CPS1: variants seen among roughly 807,000 people sequenced by gnomAD.
The protein encoded by CPS1 is carbamoyl-phosphate synthase [ammonia], mitochondrial.
In CPS1, 109 loss-of-function variants were observed where a neutral mutation model predicts 174.6. The ratio of observed to expected loss-of-function variants is 0.62; its 90% CI spans 0.53 to 0.73. The LOEUF (loss-of-function observed/expected upper bound fraction) is 0.73. CPS1 is among the 30% of genes least tolerant of loss of function. The pLI, the probability that CPS1 is intolerant of heterozygous loss-of-function variation, is 0.00. For missense variants in CPS1, 1,689 were observed against 1,821.9 expected (o/e 0.93, Z 1.33); for synonymous variants, 637 against 632.0 (o/e 1.01, Z -0.12).
intron 1 of CPS1, among the ~76,000 whole-genome samples, chr2:210,484,592 G>A (rs1425351615): frequency 6.6e-6 from 1 of 152,152 alleles, no homozygotes; most frequent in Non-Finnish European, 1.5e-5. Flanking sequence ...CTCCCAGATA[G>A]TATCAAGGGA....
At chr2:210,580,608 T>C (rs925110570) in intron 5 of CPS1, among the ~76,000 whole-genome samples, 1 of 152,090 alleles carries the variant, frequency 6.6e-6, no homozygotes, top group South Asian at 2.1e-4. Context: ...ATGCCTGTAA[T>C]CCCAGCACTT....
rs147224386 is a variant in CPS1 at position 210,677,872 on chromosome 2, C to T, written c.4405-15C>T. The T allele has an allele frequency of 2.5e-6, 4 of 1,593,026 alleles. No homozygotes were observed. In the African/African-American group the frequency reaches 5.4e-5, roughly 21 times the overall value. On this transcript the variant is annotated splice_polypyrimidine_tract_variant and intron_variant, in intron 37 of 37. Transcript: ENST00000233072. ...ATCTCATGGAGGGTGCTGATTCCTACCATTATATTTTCAGGTGACCAAACT... is the reference window on the plus strand; with the variant it reads ...ATCTCATGGAGGGTGCTGATTCCTATCATTATATTTTCAGGTGACCAAACT...
intron 1 of CPS1, among the ~76,000 whole-genome samples, chr2:210,517,215 T>C (rs1695705447): frequency 6.6e-6 from 1 of 152,002 alleles, no homozygotes; most frequent in Admixed American, 6.6e-5. Flanking sequence ...TAAGTTAGTC[T>C]TGCTGTAATC....
chr2:210,616,653 T>A (rs1187223298), intron 21 of CPS1, 112 bp downstream of exon 21: 3 of 782,520 alleles, frequency 3.8e-6, no homozygotes, highest in Non-Finnish European at 6.8e-6. Flanking sequence ...AGGTAGATAG[T>A]GCCATTGTTG....
chr2:210,550,755 A>G lies in CPS1; in HGVS notation c.4-5964A>G, dbSNP rs921272092. On this transcript the variant is annotated intron_variant, in intron 1 of 38. Coordinates refer to the CPS1 transcript ENST00000430249. ...GATAATATACTAATATATTGTGGTTATATCTTCCAATGTTTTAGTTTCTAT... is the reference window on the plus strand; with the variant it reads ...GATAATATACTAATATATTGTGGTTGTATCTTCCAATGTTTTAGTTTCTAT... Among the ~76,000 whole-genome samples the G allele has an allele frequency of 2.6e-5, 4 of 151,828 alleles. No homozygotes were observed. In the Admixed American group the frequency reaches 2.6e-4, roughly 10 times the overall value.
chr2:210,495,180 G>T (rs1334359305), intron 1 of CPS1, among the ~76,000 whole-genome samples: 1 of 152,024 alleles, frequency 6.6e-6, no homozygotes, highest in East Asian at 1.9e-4. Context: ...CTTTTTTATG[G>T]TTTACTTAAC....
intron 1 of CPS1, among the ~76,000 whole-genome samples, chr2:210,539,218 G>A (rs1696338005): frequency 1.3e-5 from 2 of 152,114 alleles, no homozygotes; most frequent in Admixed American, 1.3e-4. Flanking sequence ...ACACCTGTGA[G>A]GCATTCAGAA....
intron 1 of CPS1, among the ~76,000 whole-genome samples, chr2:210,501,219 G>A (rs1695130842): frequency 6.6e-6 from 1 of 152,082 alleles, no homozygotes; most frequent in Admixed American, 6.5e-5. Flanking sequence ...GCCTATAATG[G>A]GAGGGGCTGC....
intron 30 of CPS1, chr2:210,657,232 A>G (rs1700740867): frequency 1.3e-5 from 2 of 156,956 alleles, no homozygotes; most frequent in South Asian, 3.8e-4. Context: ...AGCCAGCCGT[A>G]TAAAGAACTT....
chr2:210,648,173 C>A, intron 26 of CPS1, 116 bp downstream of exon 26: 1 of 1,017,344 alleles, frequency 9.8e-7, no homozygotes, highest in Non-Finnish European at 1.5e-6. Context: ...AGAATGCATA[C>A]ACTTAGTGAA....
At chr2:210,540,534 A>G (rs1476678965) in intron 1 of CPS1, among the ~76,000 whole-genome samples, 1 of 152,180 alleles carries the variant, frequency 6.6e-6, no homozygotes, top group African/African-American at 2.4e-5. Flanking sequence ...CTACAAAGTG[A>G]CTAGACCAAT....
At chr2:210,597,892 C>A (rs537893572) in intron 13 of CPS1, among the ~76,000 whole-genome samples, 10 of 151,228 alleles carry the variant, frequency 6.6e-5, no homozygotes, top group Admixed American at 3.3e-4. Context: ...ATTTCTTTTA[C>A]CATATGGTTT....
At chr2:210,643,047 T>C (rs1700277392) in intron 25 of CPS1, among the ~76,000 whole-genome samples, 2 of 152,194 alleles carry the variant, frequency 1.3e-5, no homozygotes, top group African/African-American at 2.4e-5. Context: ...ACAGCCTCTT[T>C]CTAGTTTGTG....
intron 1 of CPS1, among the ~76,000 whole-genome samples, chr2:210,480,172 C>T (rs563670980): frequency 3.9e-5 from 6 of 152,160 alleles, no homozygotes; most frequent in African/African-American, 1.4e-4. Flanking sequence ...ATGCTCTCAT[C>T]AAGTCCATGC....
At chr2:210,563,329 GA>G (rs1697167622) in intron 1 of CPS1, among the ~76,000 whole-genome samples, 1 of 152,016 alleles carries the variant, frequency 6.6e-6, no homozygotes, top group Non-Finnish European at 1.5e-5. Flanking sequence ...AAAGCATAAG[GA>G]AGGATTCTTG....
chr2:210,480,401 T>C (rs1694531105), intron 1 of CPS1, among the ~76,000 whole-genome samples: 1 of 152,236 alleles, frequency 6.6e-6, no homozygotes, highest in Middle Eastern at 3.2e-3. Context: ...CTGACTTTGG[T>C]GGACAGTTAA....
chr2:210,573,294 TCAGGCA>T lies in CPS1; in HGVS notation c.127_132del (p.Ala43_Gln44del). The T allele has an allele frequency of 6.2e-7, 1 of 1,611,466 alleles. No individual in the cohort carries two copies. The highest frequency in any genetic ancestry group is 1.3e-5 in the African/African-American group (1 of 74,848). On this transcript the variant is annotated splice_acceptor_variant and splice_polypyrimidine_tract_variant and coding_sequence_variant and intron_variant, in exon 2 of 38. Transcript: ENST00000233072. LOFTEE classifies it high-confidence loss of function. ...TGCTAAGATTCATGCAACTGTTTCT[TCAGGCA>T]CAGACAGCACACATTGTCCTGGAAG...
chr2:210,531,709 T>G (rs1371069517), intron 1 of CPS1, among the ~76,000 whole-genome samples: 1 of 152,118 alleles, frequency 6.6e-6, no homozygotes, highest in Non-Finnish European at 1.5e-5. Context: ...CAAAAAAGAT[T>G]TGGAAACAAG....
At chr2:210,556,976 T>A in intron 1 of CPS1, 117 bp downstream of exon 1, 1 of 1,192,322 alleles carries the variant, frequency 8.4e-7, no homozygotes, top group Non-Finnish European at 1.2e-6. Flanking sequence ...AGTACTAATG[T>A]ATTAATGTTT....
Sources: gnomAD v4.1 joint callset for allele counts (sites outside exome capture counted in the v4.1 genomes callset) on GRCh38, gnomAD v4.1.1 for gene constraint, MANE v1.5 for transcripts, NCBI Gene and HGNC (gene_info 2026-07-23, HGNC 2026-07-21) for gene names.